The following NRXN3 variants were observed in gnomAD, a reference collection of about 807,000 sequenced individuals.
The protein encoded by NRXN3 is neurexin 3.
A neutral mutation model predicts 137.6 loss-of-function variants in NRXN3; 32 were observed. The ratio of observed to expected loss-of-function variants is 0.23; its 90% CI spans 0.18 to 0.31. The LOEUF (loss-of-function observed/expected upper bound fraction) is 0.31, where lower values mean the gene tolerates loss of function less well. Ranked by LOEUF, NRXN3 falls within the 10% of genes least tolerant of loss-of-function variation. The probability of loss-of-function intolerance (pLI) is 1.00; values close to 1 mark genes in which losing one functional copy is unlikely to be tolerated. For missense variants in NRXN3, 1,574 were observed against 2,062.5 expected (o/e 0.76, Z 4.59); for synonymous variants, 798 against 784.5 (o/e 1.02, Z -0.29).
intron 15 of NRXN3, among the ~76,000 whole-genome samples, chr14:79,430,390 T>C (rs1004349928): frequency 6.6e-6 from 1 of 152,174 alleles, no homozygotes; most frequent in Non-Finnish European, 1.5e-5. Context: ...TCCTTAGAGA[T>C]TCATTTGACT....
intron 4 of NRXN3, among the ~76,000 whole-genome samples, chr14:78,388,635 T>A (rs2090329340): frequency 6.6e-6 from 1 of 152,322 alleles, no homozygotes; most frequent in Non-Finnish European, 1.5e-5. Flanking sequence ...AGTTGAGTGA[T>A]GGCAATAAAG....
chr14:78,188,128 TAGTA>T (rs1293049318), intron 1 of NRXN3, among the ~76,000 whole-genome samples: 3 of 152,212 alleles, frequency 2.0e-5, no homozygotes, highest in Non-Finnish European at 2.9e-5. Flanking sequence ...GCTCCCCAGC[TAGTA>T]AGTGTTACAT....
chr14:79,503,597 C>T (rs2096845466), intron 16 of NRXN3, among the ~76,000 whole-genome samples: 1 of 152,170 alleles, frequency 6.6e-6, no homozygotes, highest in Non-Finnish European at 1.5e-5. Context: ...CCCAGATGCC[C>T]ATGAGCAAAG....
At chr14:78,190,610 CATTT>C (rs753449383) in intron 1 of NRXN3, among the ~76,000 whole-genome samples, 2,500 of 146,686 alleles carry the variant, frequency 0.017, 21 homozygotes, top group South Asian at 0.044. Context: ...GTGTCAGTAA[CATTT>C]ATTTATTTAT....
intron 15 of NRXN3, among the ~76,000 whole-genome samples, chr14:79,378,370 G>C (rs1450198379): frequency 6.6e-6 from 1 of 152,132 alleles, no homozygotes; most frequent in African/African-American, 2.4e-5. Context: ...CCAGTCATTA[G>C]GGATGACCAC....
intron 15 of NRXN3, among the ~76,000 whole-genome samples, chr14:79,287,701 A>C (rs556239217): frequency 6.6e-6 from 1 of 152,326 alleles, no homozygotes; most frequent in South Asian, 2.1e-4. Flanking sequence ...ATTCTTACTG[A>C]GAGACATGGT....
Position 79,487,319 on chromosome 14 carries a change from A to G in NRXN3, c.3444+19917A>G, listed in dbSNP as rs543631431. On this transcript the variant is annotated intron_variant, in intron 16 of 20. Coordinates refer to ENST00000335750, the MANE Select transcript of NRXN3 (RefSeq NM_001330195.2). The stretch of plus-strand genomic sequence containing the variant: ...CCTTCATATCACTGCATCGCATTTC[A>G]TTTTGTAACATGTTCTTGTGCTACA... Among the ~76,000 whole-genome samples the G allele has an allele frequency of 1.6e-3, 243 of 152,086 alleles. 1 individual carries two copies. The highest frequency in any genetic ancestry group is 2.4e-3 in the Non-Finnish European group (160 of 67,964).
intron 16 of NRXN3, among the ~76,000 whole-genome samples, chr14:79,659,326 C>T (rs2098521772): frequency 6.6e-6 from 1 of 151,902 alleles, no homozygotes; most frequent in Admixed American, 6.6e-5. Flanking sequence ...GTGGTGATGG[C>T]TGTGGAGTTA....
intron 16 of NRXN3, among the ~76,000 whole-genome samples, chr14:79,659,028 G>T (rs898462858): frequency 2.0e-5 from 3 of 152,198 alleles, no homozygotes; most frequent in South Asian, 2.1e-4. Flanking sequence ...CCCTGGTGTC[G>T]GTAGCATCTC....
chr14:79,730,836 T>C (rs1443799238), intron 19 of NRXN3, among the ~76,000 whole-genome samples: 2 of 152,144 alleles, frequency 1.3e-5, no homozygotes, highest in African/African-American at 4.8e-5. Flanking sequence ...GTGAACAAAA[T>C]GCTAGCCTTA....
intron 15 of NRXN3, among the ~76,000 whole-genome samples, chr14:79,211,204 C>T (rs2067613237): frequency 6.6e-6 from 1 of 152,068 alleles, no homozygotes; most frequent in Non-Finnish European, 1.5e-5. Context: ...CCTCAGTTTT[C>T]TCATCTTTAA....
chr14:78,596,693 G>T (rs1242375861), intron 4 of NRXN3, among the ~76,000 whole-genome samples: 1 of 152,192 alleles, frequency 6.6e-6, no homozygotes, highest in African/African-American at 2.4e-5. Flanking sequence ...AAAATGGCCA[G>T]TGAGACACTT....
intron 16 of NRXN3, among the ~76,000 whole-genome samples, chr14:79,540,134 CCTTAAATG>C (rs963542009): frequency 2.6e-5 from 4 of 151,952 alleles, no homozygotes; most frequent in African/African-American, 9.7e-5. Flanking sequence ...GTCTGTATTC[CCTTAAATG>C]GGTAAAAGAT....
intron 15 of NRXN3, among the ~76,000 whole-genome samples, chr14:79,168,138 A>G (rs1336483013): frequency 1.3e-5 from 2 of 151,806 alleles, no homozygotes; most frequent in Admixed American, 6.6e-5. Flanking sequence ...GCCTTACCCA[A>G]TCCTCAGCAT....
chr14:78,805,426 G>A (rs1042376012), intron 9 of NRXN3, among the ~76,000 whole-genome samples: 9 of 151,808 alleles, frequency 5.9e-5, no homozygotes, highest in Admixed American at 1.3e-4. Context: ...CCTGCGGCCC[G>A]CATAGCAAAC....
At chr14:79,335,880 G>C (rs531865729) in intron 15 of NRXN3, among the ~76,000 whole-genome samples, 1 of 151,984 alleles carries the variant, frequency 6.6e-6, no homozygotes, top group Non-Finnish European at 1.5e-5. Context: ...CTGTCACTTA[G>C]CATTAACTAC....
intron 10 of NRXN3, among the ~76,000 whole-genome samples, chr14:78,897,612 A>G (rs753035912): frequency 4.4e-4 from 67 of 151,930 alleles, no homozygotes; most frequent in Admixed American, 3.3e-3. Context: ...GCACTTCTCA[A>G]ACGTTTTTGG....
At chr14:78,928,936 C>G (rs1377023162) in intron 10 of NRXN3, among the ~76,000 whole-genome samples, 2 of 152,082 alleles carry the variant, frequency 1.3e-5, no homozygotes, top group African/African-American at 4.8e-5. Context: ...GCATTCCTAT[C>G]TCTCCACATC....
chr14:78,382,322 C>A (rs1208750079), intron 4 of NRXN3, among the ~76,000 whole-genome samples: 1 of 152,030 alleles, frequency 6.6e-6, no homozygotes, highest in East Asian at 1.9e-4. Context: ...GATTTGTGGG[C>A]TGATGGATAG....
Sources: gnomAD v4.1 joint callset for allele counts (sites outside exome capture counted in the v4.1 genomes callset) on GRCh38, gnomAD v4.1.1 for gene constraint, MANE v1.5 for transcripts, NCBI Gene and HGNC (gene_info 2026-07-23, HGNC 2026-07-21) for gene names.